Variants in ATP2C1 observed in about 807,000 individuals in gnomAD.
ATP2C1 encodes the protein calcium-transporting ATPase type 2C member 1.
A neutral mutation model predicts 120.5 loss-of-function variants in ATP2C1; 31 were observed. The observed-to-expected ratio is 0.26, with a 90% CI of 0.19 to 0.35. The LOEUF (loss-of-function observed/expected upper bound fraction) is 0.35, where lower values mean the gene tolerates loss of function less well. ATP2C1 is among the 10% of genes least tolerant of loss of function. ATP2C1 has a pLI of 1.00. For missense variants in ATP2C1, 731 were observed against 1,107.5 expected (o/e 0.66, Z 4.83); for synonymous variants, 351 against 358.7 (o/e 0.98, Z 0.24).
At position 130,894,704 on chromosome 3, in the gene ATP2C1, C is replaced by G; in HGVS notation, c.-66C>G. ...TGTCCTCCTCCTCTCCTCTCTATTC[C>G]CAGTGTGGCCGTGGCTGACACTAAA... On this transcript the variant is annotated 5_prime_UTR_variant, in exon 2 of 28. Coordinates refer to ENST00000510168, the MANE Select transcript of ATP2C1 (RefSeq NM_001378687.1). The surrounding 1 kb of genome is among the most constrained non-coding windows in gnomAD (Gnocchi z 4.5). The G allele has an allele frequency of 6.2e-7, 1 of 1,614,070 alleles. No homozygotes were observed. The highest frequency in any genetic ancestry group is 8.5e-7 in the Non-Finnish European group (1 of 1,179,988).
intron 3 of ATP2C1, 103 bp from the exon 4 acceptor site, chr3:130,931,919 T>A (rs2059467844): frequency 2.6e-6 from 2 of 775,378 alleles, no homozygotes; most frequent in Admixed American, 4.0e-5. Context: ...TTTTGACTGT[T>A]GTAGTTTCTG....
Position 131,003,046 on chromosome 3 carries a change from G to A in ATP2C1, c.*1696G>A. 1 of 985,726 alleles carries A rather than the reference G, an allele frequency of 1.0e-6. No individual in the cohort carries two copies. The highest frequency in any genetic ancestry group is 1.2e-6 in the Non-Finnish European group (1 of 829,848). The allele number at this position is 985,726 out of a possible 1,614,324, so 61.1% of individuals were successfully genotyped here. ...AAATACGTATTAAATGCACGTTAAT[G>A]TTTTGCTTTGCATTTTAGGTTCAGA... On this transcript the variant is annotated 3_prime_UTR_variant, in exon 28 of 28. Coordinates refer to ENST00000510168, the MANE Select transcript of ATP2C1 (RefSeq NM_001378687.1).
chr3:130,916,861 G>T (rs1326010062), intron 2 of ATP2C1, among the ~76,000 whole-genome samples: 1 of 152,066 alleles, frequency 6.6e-6, no homozygotes, highest in Non-Finnish European at 1.5e-5. Flanking sequence ...TCTTACTCAT[G>T]TTGAGGATTG....
At chr3:130,896,757 A>G (rs1395203318) in intron 2 of ATP2C1, among the ~76,000 whole-genome samples, 1 of 152,172 alleles carries the variant, frequency 6.6e-6, no homozygotes, top group Non-Finnish European at 1.5e-5. Context: ...GTATTTCTTC[A>G]TCTATAAATT....
In ATP2C1 at chr3:130,993,909, C is replaced by G. The variant is rs532005844; in HGVS notation, c.1891-23C>G. 1.1e-5 allele frequency: 17 copies of G among 1,613,762 alleles called. No homozygotes were observed. In the South Asian group the frequency reaches 1.9e-4, roughly 18 times the overall value. On this transcript the variant is annotated intron_variant, in intron 21 of 27. Transcript: ENST00000510168. Reference sequence around the variant, plus strand: ...ATTTTTATCAAAATTCCTTCCTCTCCCCTGTCCTCTGCTCCACTCTAGTCG... The same window carrying G: ...ATTTTTATCAAAATTCCTTCCTCTCGCCTGTCCTCTGCTCCACTCTAGTCG...
chr3:130,892,685 G>A (rs1395005505), upstream of ATP2C1, among the ~76,000 whole-genome samples: 3 of 148,256 alleles, frequency 2.0e-5, no homozygotes, highest in Admixed American at 6.8e-5. Context: ...GACCATGCAT[G>A]CCAGAGGTGG....
intron 1 of ATP2C1, among the ~76,000 whole-genome samples, chr3:130,879,657 C>T (rs1392086065): frequency 2.6e-5 from 4 of 152,060 alleles, no homozygotes; most frequent in East Asian, 1.9e-4. Flanking sequence ...CTGGTGTAAC[C>T]GTTGTTTTCT....
At chr3:131,013,769 TA>T (rs2063438421) in intron 26 of ATP2C1, 1 of 217,780 alleles carries the variant, frequency 4.6e-6, no homozygotes, top group Non-Finnish European at 8.9e-6. Context: ...TGTAGCTGGC[TA>T]AATTGCTGCA....
chr3:130,953,400 C>T (rs1408564686), intron 8 of ATP2C1, among the ~76,000 whole-genome samples: 2 of 151,972 alleles, frequency 1.3e-5, no homozygotes, highest in Non-Finnish European at 2.9e-5. Context: ...ACATTTTTCC[C>T]CTTTATTCAT....
At chr3:131,004,961 T>C (rs541991187), downstream of ATP2C1, among the ~76,000 whole-genome samples, 1 of 152,250 alleles carries the variant, frequency 6.6e-6, no homozygotes, top group African/African-American at 2.4e-5. Context: ...TGGATTTTTG[T>C]ATCGTAACAT....
At chr3:130,878,893 A>G (rs2068692210) in intron 1 of ATP2C1, among the ~76,000 whole-genome samples, 1 of 152,110 alleles carries the variant, frequency 6.6e-6, no homozygotes, top group African/African-American at 2.4e-5. Flanking sequence ...GAGATCTTTG[A>G]GCTTCCAGTA....
At chr3:130,947,121 T>C (rs952174171) in intron 8 of ATP2C1, among the ~76,000 whole-genome samples, 2 of 152,168 alleles carry the variant, frequency 1.3e-5, no homozygotes, top group South Asian at 2.1e-4. Flanking sequence ...CCTAGAGCAA[T>C]GCATTCCAAC....
chr3:130,911,946 C>T (rs531303706), intron 2 of ATP2C1, among the ~76,000 whole-genome samples: 3 of 137,532 alleles, frequency 2.2e-5, no homozygotes, highest in South Asian at 2.5e-4. Context: ...GAAATAACGC[C>T]GCATATCTAC....
intron 1 of ATP2C1, among the ~76,000 whole-genome samples, chr3:130,875,432 C>T (rs1446004352): frequency 1.3e-5 from 2 of 152,158 alleles, no homozygotes; most frequent in African/African-American, 4.8e-5. Flanking sequence ...CCAGGTTCAT[C>T]CATGTTGCCA....
intron 8 of ATP2C1, among the ~76,000 whole-genome samples, chr3:130,947,267 TA>T (rs2060193465): frequency 6.6e-6 from 1 of 152,166 alleles, no homozygotes; most frequent in Non-Finnish European, 1.5e-5. Flanking sequence ...AAAAAATTAT[TA>T]AAACAGCTTT....
intron 18 of ATP2C1, among the ~76,000 whole-genome samples, chr3:130,975,741 T>C (rs1370485538): frequency 1.3e-5 from 2 of 152,214 alleles, no homozygotes; most frequent in Non-Finnish European, 2.9e-5. Context: ...GAAATTTTAT[T>C]TTAAACAAGT....
chr3:130,907,484 A>G (rs2058188090), intron 2 of ATP2C1, among the ~76,000 whole-genome samples: 1 of 152,088 alleles, frequency 6.6e-6, no homozygotes, highest in Non-Finnish European at 1.5e-5. Context: ...ATTCTTTTGC[A>G]TAGAATATCC....
chr3:130,905,803 G>A (rs2058094272), intron 2 of ATP2C1, among the ~76,000 whole-genome samples: 1 of 152,072 alleles, frequency 6.6e-6, no homozygotes, highest in Non-Finnish European at 1.5e-5. Flanking sequence ...TTGCCAGACA[G>A]CAGTTAAAGG....
At position 130,959,354 on chromosome 3, in the gene ATP2C1, A is replaced by G. The variant is rs760207297; in HGVS notation, c.899+13A>G. 1.3e-6 allele frequency: 2 copies of G among 1,575,378 alleles called. No individual in the cohort carries two copies. The highest frequency in any genetic ancestry group is 1.7e-6 in the Non-Finnish European group (2 of 1,145,794). ...CTATTAGTGTAAGGTAAGTCTCAATACTTTATAATTGGAGTCTCTTTTGCC... is the reference window on the plus strand; with the variant it reads ...CTATTAGTGTAAGGTAAGTCTCAATGCTTTATAATTGGAGTCTCTTTTGCC... On this transcript the variant is annotated intron_variant, in intron 12 of 27. Transcript: ENST00000510168.
Sources: allele counts gnomAD v4.1 joint callset (sites outside exome capture counted in the v4.1 genomes callset), GRCh38; gene constraint gnomAD v4.1.1; non-coding constraint Gnocchi (gnomAD v3.1); transcripts MANE v1.5; gene names NCBI Gene and HGNC (gene_info 2026-07-23, HGNC 2026-07-21).